PUM1: variants seen among roughly 807,000 people sequenced by gnomAD.
PUM1 encodes pumilio homolog 1.
In PUM1, 13 loss-of-function variants were observed where a neutral mutation model predicts 131.8. The observed-to-expected ratio is 0.10, with a 90% CI of 0.06 to 0.16. PUM1 has a LOEUF of 0.16. Ranked by LOEUF, PUM1 falls within the 10% of genes least tolerant of loss-of-function variation. The pLI, the probability that PUM1 is intolerant of heterozygous loss-of-function variation, is 1.00. For missense variants in PUM1, 961 were observed against 1,512.4 expected (o/e 0.64, Z 6.05); for synonymous variants, 509 against 556.5 (o/e 0.91, Z 1.20).
intron 3 of PUM1, among the ~76,000 whole-genome samples, chr1:31,017,563 T>C (rs1433500439): frequency 5.3e-5 from 8 of 151,862 alleles, no homozygotes; most frequent in Non-Finnish European, 1.0e-4. Flanking sequence ...CTAGTGATAG[T>C]GTATTTTATG....
chr1:30,933,742 T>C lies in PUM1; in HGVS notation c.3436-400A>G, dbSNP rs996991447. ...ATGAGCACAGGCCCCTCTGGCCCCA[T>C]GCACGGCATCCAGGCTCTCCTGAGC... On this transcript the variant is annotated intron_variant, in intron 21 of 21. Transcript: ENST00000426105. 3.3e-5 allele frequency among the ~76,000 whole-genome samples: 5 copies of C among 152,330 alleles called. 1 individual carries two copies. The highest frequency in any genetic ancestry group is 4.1e-4 in the South Asian group (2 of 4,828).
At chr1:30,999,607 A>C (rs7539821) in intron 5 of PUM1, among the ~76,000 whole-genome samples, 5,642 of 11,448 alleles carry the variant, frequency 0.49, 523 homozygotes, top group East Asian at 0.57. Flanking sequence ...ACTCTGTCTC[A>C]AAAAAAAAAA....
At chr1:31,009,778 A>C (rs1300540417) in intron 3 of PUM1, among the ~76,000 whole-genome samples, 3 of 106,724 alleles carry the variant, frequency 2.8e-5, no homozygotes, top group Non-Finnish European at 4.3e-5. Context: ...AAAAAAAAAA[A>C]AAAAAAAAAC....
chr1:30,975,614 C>T (rs1350037840), intron 9 of PUM1, among the ~76,000 whole-genome samples: 1 of 150,626 alleles, frequency 6.6e-6, no homozygotes, highest in Admixed American at 6.6e-5. Flanking sequence ...CTTGGCCTCC[C>T]ATATTGCTGG....
At position 31,059,596 on chromosome 1, in the gene PUM1, C is replaced by A; in HGVS notation, c.-11-19G>T. 2 of 1,553,590 alleles carry A rather than the reference C, an allele frequency of 1.3e-6. No homozygotes were observed. Among genetic ancestry groups the A allele is most frequent in the Non-Finnish European group, 1.7e-6 (2 of 1,151,926 alleles). ...CCAACACCTAAGGACAAACAGGTTA[C>A]AAATATTTAATATTTCCATCTTTTG... On this transcript the variant is annotated intron_variant, in intron 1 of 21. Transcript: ENST00000426105.
intron 21 of PUM1, among the ~76,000 whole-genome samples, chr1:30,934,681 A>G (rs1000842155): frequency 1.2e-4 from 18 of 152,210 alleles, no homozygotes; most frequent in African/African-American, 4.3e-4. Flanking sequence ...CTGTCATGAG[A>G]ACTTGAGGTT....
rs1164553042 is a variant in PUM1 at position 31,036,345 on chromosome 1, A to G, written c.364-7481T>C. On this transcript the variant is annotated intron_variant, in intron 2 of 21. Transcript: ENST00000426105. ...CGGCCTCCCAAAGTGCTGGGATTAC[A>G]GGTGTGAGCCACCATGCCCGGCCCA... Among the ~76,000 whole-genome samples the G allele has an allele frequency of 2.6e-5, 4 of 152,318 alleles. No homozygotes were observed. In the East Asian group the frequency reaches 7.7e-4, roughly 29 times the overall value.
chr1:30,932,322 T>C lies in PUM1; in HGVS notation c.*889A>G, dbSNP rs1052784290. ...CAGATTAGACATCAAAACAAGAAAA[T>C]ACTACAAATTTGTATATATGCAAAG... is the stretch of plus-strand genomic sequence containing the variant. On this transcript the variant is annotated 3_prime_UTR_variant, in exon 22 of 22. Transcript: ENST00000426105. 1 of 152,418 alleles carries C rather than the reference T, an allele frequency of 6.6e-6. No individual in the cohort carries two copies. The highest frequency in any genetic ancestry group is 1.5e-5 in the Non-Finnish European group (1 of 68,002). 9.4% of individuals were successfully genotyped at this position (152,418 alleles called of 1,614,324 possible). A position where few individuals can be genotyped will look rare whatever the true frequency, so the allele number is the denominator to read the frequency against.
chr1:31,035,484 G>A (rs1643577689), intron 2 of PUM1, among the ~76,000 whole-genome samples: 1 of 152,156 alleles, frequency 6.6e-6, no homozygotes, highest in Non-Finnish European at 1.5e-5. Flanking sequence ...GGGCGCAGTG[G>A]CTCACACCTA....
chr1:30,957,087 TACACACACACACACACACAC>T (rs58044891), intron 14 of PUM1, among the ~76,000 whole-genome samples: 7 of 139,902 alleles, frequency 5.0e-5, no homozygotes, highest in African/African-American at 1.4e-4. Context: ...AGGACATTCA[TACACACACACACACACACAC>T]ACACACACAC....
At chr1:31,043,882 T>C (rs949863978) in intron 2 of PUM1, among the ~76,000 whole-genome samples, 3 of 152,170 alleles carry the variant, frequency 2.0e-5, no homozygotes, top group Admixed American at 2.0e-4. Context: ...CCATTTCTAA[T>C]GAGCACCTGC....
chr1:30,955,092 AAAAAAAACAAAAACAAACAAACAG>A (rs1239985985), intron 14 of PUM1, among the ~76,000 whole-genome samples: 2 of 151,606 alleles, frequency 1.3e-5, no homozygotes, highest in Non-Finnish European at 2.9e-5. Context: ...CAAACAAACA[AAAAAAAACAAAAACAAACAAACAG>A]AAAAAAACAG....
intron 2 of PUM1, among the ~76,000 whole-genome samples, chr1:31,047,940 G>A (rs982806834): frequency 4.7e-5 from 7 of 149,670 alleles, no homozygotes; most frequent in South Asian, 2.1e-4. Context: ...GTGAGACTCC[G>A]CTAAAAAACT....
intron 10 of PUM1, among the ~76,000 whole-genome samples, chr1:30,973,251 C>CT (rs1641000044): frequency 9.4e-6 from 1 of 106,480 alleles, no homozygotes. Flanking sequence ...TGTGTGGAAT[C>CT]TAAAAAAAAA....
At chr1:31,004,319 A>G (rs1029782523) in intron 5 of PUM1, among the ~76,000 whole-genome samples, 1 of 152,240 alleles carries the variant, frequency 6.6e-6, no homozygotes, top group Non-Finnish European at 1.5e-5. Context: ...TTAGTGCCCA[A>G]GAATTAGAAA....
intron 20 of PUM1, among the ~76,000 whole-genome samples, chr1:30,939,205 C>G (rs775233924): frequency 6.6e-6 from 1 of 152,190 alleles, no homozygotes; most frequent in Non-Finnish European, 1.5e-5. Flanking sequence ...ACTCAGACTT[C>G]TGCTATGTTC....
At chr1:31,037,992 T>C (rs1250177852) in intron 2 of PUM1, among the ~76,000 whole-genome samples, 1 of 149,896 alleles carries the variant, frequency 6.7e-6, no homozygotes, top group Non-Finnish European at 1.5e-5. Context: ...GGCAGGAGAA[T>C]GGCGTGAACT....
intron 3 of PUM1, among the ~76,000 whole-genome samples, chr1:31,017,644 T>C (rs1034313830): frequency 6.6e-6 from 1 of 151,432 alleles, no homozygotes; most frequent in Non-Finnish European, 1.5e-5. Flanking sequence ...TGATTTAGAG[T>C]GAGTGAGACA....
intron 5 of PUM1, among the ~76,000 whole-genome samples, chr1:31,002,711 T>C (rs533845149): frequency 6.6e-6 from 1 of 152,372 alleles, no homozygotes; most frequent in African/African-American, 2.4e-5. Flanking sequence ...TTTTGAGCTC[T>C]ATTATTCTGA....
Sources: allele counts gnomAD v4.1 joint callset (sites outside exome capture counted in the v4.1 genomes callset), GRCh38; gene constraint gnomAD v4.1.1; transcripts MANE v1.5; gene names NCBI Gene and HGNC (gene_info 2026-07-23, HGNC 2026-07-21).